The following CNTNAP2 variants were observed in gnomAD, a reference collection of about 807,000 sequenced individuals.
CNTNAP2 encodes the protein contactin associated protein 2, also known as contactin-associated protein-like 2.
CNTNAP2 carries 98 observed loss-of-function variants against 155.2 expected under a neutral mutation model. The ratio of observed to expected loss-of-function variants is 0.63; its 90% CI spans 0.54 to 0.75. CNTNAP2 has a LOEUF of 0.75. Among genes scored for constraint, CNTNAP2 ranks in the 30% least tolerant of loss-of-function variants. The pLI is 0.00. For synonymous variants in CNTNAP2, 651 were observed against 631.2 expected (o/e 1.03, Z -0.47); for missense variants, 1,727 against 1,688.1 (o/e 1.02, Z -0.40).
At chr7:147,538,926 C>T (rs781534066) in intron 11 of CNTNAP2, among the ~76,000 whole-genome samples, 5 of 151,918 alleles carry the variant, frequency 3.3e-5, no homozygotes, top group South Asian at 2.1e-4. Context: ...ATTTTTGAAC[C>T]GTCAGTACTC....
intron 15 of CNTNAP2, among the ~76,000 whole-genome samples, chr7:148,061,942 T>TAAAC (rs1803149642): frequency 2.2e-5 from 3 of 133,772 alleles, no homozygotes; most frequent in African/African-American, 5.9e-5. Flanking sequence ...GATAGATAGA[T>TAAAC]AGATAAACAG....
Position 148,171,454 on chromosome 7 carries a change from CAATT to C in CNTNAP2, c.2774-785_2774-782del, listed in dbSNP as rs149297889. On this transcript the variant is annotated intron_variant, in intron 17 of 23. Coordinates refer to ENST00000361727, the MANE Select transcript of CNTNAP2 (RefSeq NM_014141.6). ...ATTATAGCTAAGAATACTATAGACA[CAATT>C]AAATCCATTTGTGATAGAATGCCTC... 5.4e-3 allele frequency among the ~76,000 whole-genome samples: 822 copies of C among 152,274 alleles called. 11 individuals carry two copies. Among genetic ancestry groups the C allele is most frequent in the African/African-American group, 0.019 (781 of 41,566 alleles).
At chr7:146,218,150 G>A (rs181332655) in intron 1 of CNTNAP2, among the ~76,000 whole-genome samples, 136 of 152,266 alleles carry the variant, frequency 8.9e-4, no homozygotes, top group South Asian at 1.5e-3. Flanking sequence ...AACCACGTGA[G>A]AGTTCAAACG....
chr7:147,642,011 C>T (rs76227348), intron 13 of CNTNAP2, among the ~76,000 whole-genome samples: 3,598 of 149,678 alleles, frequency 0.024, 148 homozygotes, highest in African/African-American at 0.083. Context: ...TGTGTGTGTG[C>T]GTGTGTGTGT....
At chr7:147,615,775 C>A (rs1001087953) in intron 12 of CNTNAP2, among the ~76,000 whole-genome samples, 23 of 151,964 alleles carry the variant, frequency 1.5e-4, no homozygotes, top group African/African-American at 4.8e-4. Flanking sequence ...ACCATGGAAA[C>A]CCTCTTGGAA....
intron 1 of CNTNAP2, among the ~76,000 whole-genome samples, chr7:146,734,614 G>C (rs1376534992): frequency 1.3e-5 from 2 of 151,936 alleles, no homozygotes; most frequent in Admixed American, 6.6e-5. Flanking sequence ...ATTAAAATGT[G>C]GTATGGTCTA....
chr7:146,964,385 A>G (rs536691183), intron 3 of CNTNAP2, among the ~76,000 whole-genome samples: 2 of 152,308 alleles, frequency 1.3e-5, no homozygotes, highest in Non-Finnish European at 2.9e-5. Context: ...ATTTGTTTAA[A>G]TTTAAATTCC....
intron 4 of CNTNAP2, among the ~76,000 whole-genome samples, chr7:147,065,834 C>A (rs74657319): frequency 0.011 from 1,604 of 152,014 alleles, 30 homozygotes; most frequent in African/African-American, 0.037. Context: ...AAGTAAAAAT[C>A]ATTAGAAATA....
intron 2 of CNTNAP2, among the ~76,000 whole-genome samples, chr7:146,816,744 G>A (rs1283121254): frequency 6.6e-6 from 1 of 152,146 alleles, no homozygotes; most frequent in Non-Finnish European, 1.5e-5. Flanking sequence ...AAGCACGGTG[G>A]TTAAAAGTCA....
intron 14 of CNTNAP2, among the ~76,000 whole-genome samples, chr7:147,947,398 G>A (rs1328791220): frequency 1.4e-5 from 2 of 141,352 alleles, no homozygotes; most frequent in African/African-American, 5.2e-5. Flanking sequence ...CGGGAGGATT[G>A]CTTGAGCCCA....
chr7:146,575,720 T>C (rs561612182), intron 1 of CNTNAP2, among the ~76,000 whole-genome samples: 9 of 152,304 alleles, frequency 5.9e-5, no homozygotes, highest in Middle Eastern at 3.4e-3. Flanking sequence ...TGTAACACAA[T>C]TTTATTACCA....
chr7:146,818,611 G>T (rs1057463934), intron 2 of CNTNAP2, among the ~76,000 whole-genome samples: 2 of 152,060 alleles, frequency 1.3e-5, no homozygotes, highest in Non-Finnish European at 2.9e-5. Flanking sequence ...GCTCTCTGTG[G>T]CCTGGGCAAG....
chr7:147,575,104 G>T (rs1180468491), intron 12 of CNTNAP2, among the ~76,000 whole-genome samples: 2 of 120,206 alleles, frequency 1.7e-5, no homozygotes, highest in East Asian at 5.0e-4. Context: ...GTCTTTGTGG[G>T]AAATGTGTGT....
chr7:146,882,139 C>T (rs975194340), intron 3 of CNTNAP2, among the ~76,000 whole-genome samples: 12 of 152,020 alleles, frequency 7.9e-5, no homozygotes, highest in Admixed American at 5.3e-4. Context: ...ACAAAGGACA[C>T]GGTTTCTTTC....
At chr7:147,766,147 G>A (rs1418395849) in intron 13 of CNTNAP2, among the ~76,000 whole-genome samples, 2 of 152,214 alleles carry the variant, frequency 1.3e-5, no homozygotes, top group Non-Finnish European at 2.9e-5. Flanking sequence ...GATTGAGGAG[G>A]TGACACAGAT....
intron 8 of CNTNAP2, among the ~76,000 whole-genome samples, chr7:147,151,118 C>T (rs1801815822): frequency 6.6e-6 from 1 of 152,168 alleles, no homozygotes; most frequent in Non-Finnish European, 1.5e-5. Context: ...CACAAATTCT[C>T]ATAGTTTTAT....
At chr7:146,968,947 T>C (rs1290693195) in intron 3 of CNTNAP2, among the ~76,000 whole-genome samples, 1 of 148,156 alleles carries the variant, frequency 6.7e-6, no homozygotes, top group Non-Finnish European at 1.5e-5. Context: ...TGTGGGCATT[T>C]AGTGCTATAA....
intron 3 of CNTNAP2, among the ~76,000 whole-genome samples, chr7:146,943,148 A>G (rs1161568150): frequency 6.6e-6 from 1 of 152,232 alleles, no homozygotes; most frequent in African/African-American, 2.4e-5. Context: ...CTTACTTGTA[A>G]TATAGTCAAT....
intron 13 of CNTNAP2, among the ~76,000 whole-genome samples, chr7:147,860,808 A>G (rs1013831866): frequency 5.9e-5 from 9 of 152,094 alleles, no homozygotes; most frequent in Non-Finnish European, 1.3e-4. Flanking sequence ...CACTAATACA[A>G]TATTTGGAAA....
Sources: allele counts gnomAD v4.1 joint callset (sites outside exome capture counted in the v4.1 genomes callset), GRCh38; gene constraint gnomAD v4.1.1; transcripts MANE v1.5; gene names NCBI Gene and HGNC (gene_info 2026-07-23, HGNC 2026-07-21).